Variants in LRP1B observed in about 807,000 individuals in gnomAD.
The protein encoded by LRP1B is low-density lipoprotein receptor-related protein 1B.
LRP1B carries 217 observed loss-of-function variants against 556.6 expected under a neutral mutation model. The observed-to-expected ratio is 0.39, with a 90% confidence interval of 0.35 to 0.44. LRP1B has a LOEUF of 0.44. Among genes scored for constraint, LRP1B ranks in the 20% least tolerant of loss-of-function variants. The pLI is 1.00. For synonymous variants in LRP1B, 2,047 were observed against 1,865.8 expected (o/e 1.10, Z -2.50); for missense variants, 5,053 against 5,620.8 (o/e 0.90, Z 3.23).
chr2:141,834,002 A>C (rs902396322), intron 1 of LRP1B, among the ~76,000 whole-genome samples: 6 of 150,844 alleles, frequency 4.0e-5, no homozygotes, highest in African/African-American at 7.4e-5. Context: ...GAAAGAAGAA[A>C]CAGTATACAC....
rs184843213 is a variant in LRP1B at position 141,575,397 on chromosome 2, C to T, written c.206-94864G>A. 1.8e-4 allele frequency among the ~76,000 whole-genome samples: 28 copies of T among 152,224 alleles called. No individual in the cohort carries two copies. The East Asian group carries it at 4.1e-3, about 22-fold the overall frequency. On this transcript the variant is annotated intron_variant, in intron 2 of 90. Coordinates refer to ENST00000389484, the MANE Select transcript of LRP1B (RefSeq NM_018557.3). The stretch of plus-strand genomic sequence containing the variant: ...ATTTAGTGAATGATGCTGGGAAAAC[C>T]GGCAAGCCATATGCAGAAAACTGCA...
intron 81 of LRP1B, among the ~76,000 whole-genome samples, chr2:140,323,326 A>G (rs1307201291): frequency 1.3e-5 from 2 of 152,028 alleles, no homozygotes; most frequent in South Asian, 2.1e-4. Context: ...ACTAACAATA[A>G]GTCATATACA....
At chr2:141,889,972 C>T (rs1381839215) in intron 1 of LRP1B, among the ~76,000 whole-genome samples, 2 of 139,718 alleles carry the variant, frequency 1.4e-5, no homozygotes. Flanking sequence ...CTTTCCTTCC[C>T]CCTCACCCAC....
intron 43 of LRP1B, among the ~76,000 whole-genome samples, chr2:140,545,684 A>C (rs1021703479): frequency 5.3e-5 from 8 of 152,060 alleles, no homozygotes; most frequent in African/African-American, 1.9e-4. Context: ...TGGTTACTGT[A>C]GCCCTGTAGT....
At chr2:140,298,021 AT>A in intron 83 of LRP1B, 52 bp from the exon 84 acceptor site, 1 of 1,497,066 alleles carries the variant, frequency 6.7e-7, no homozygotes, top group Non-Finnish European at 9.1e-7. Context: ...AAAATAGTTT[AT>A]TTTCAAGGAA....
chr2:141,910,387 CTA>C (rs1362732272), intron 1 of LRP1B, among the ~76,000 whole-genome samples: 2 of 152,030 alleles, frequency 1.3e-5, no homozygotes, highest in Non-Finnish European at 2.9e-5. Flanking sequence ...ATGGGTGAGA[CTA>C]TGTCTTTTAC....
At chr2:140,338,302 G>T (rs1201666041) in intron 77 of LRP1B, among the ~76,000 whole-genome samples, 1 of 151,708 alleles carries the variant, frequency 6.6e-6, no homozygotes, top group African/African-American at 2.4e-5. Flanking sequence ...GCAGAGGGTG[G>T]AGATGTTACC....
At chr2:140,956,921 G>A in intron 18 of LRP1B, among the ~76,000 whole-genome samples, 1 of 151,692 alleles carries the variant, frequency 6.6e-6, no homozygotes, top group Non-Finnish European at 1.5e-5. Flanking sequence ...ATATTTAACT[G>A]AGAATTTTAT....
chr2:142,034,765 T>C (rs2105203603), intron 1 of LRP1B, among the ~76,000 whole-genome samples: 1 of 151,906 alleles, frequency 6.6e-6, no homozygotes, highest in Non-Finnish European at 1.5e-5. Flanking sequence ...CATTAATCAT[T>C]AATATGCATA....
intron 27 of LRP1B, among the ~76,000 whole-genome samples, chr2:140,854,979 C>T (rs977696074): frequency 6.6e-6 from 1 of 152,116 alleles, no homozygotes; most frequent in Admixed American, 6.5e-5. Flanking sequence ...AATATAAATA[C>T]AGCTGGGCAG....
In LRP1B at chr2:142,130,209, G is replaced by T. The variant is rs573344210; in HGVS notation, c.82+439C>A. On this transcript the variant is annotated intron_variant, in intron 1 of 90. Transcript: ENST00000389484. ...CGCTCCACGGACCTCGAATGCAGCA[G>T]GTAAGGAAGTTAACCTGGGAGCTAA... Among the ~76,000 whole-genome samples the T allele has an allele frequency of 1.8e-4, 27 of 152,322 alleles. No individual in the cohort carries two copies. In the South Asian group the frequency reaches 5.6e-3, roughly 32 times the overall value.
intron 29 of LRP1B, among the ~76,000 whole-genome samples, chr2:140,845,680 C>T (rs953368428): frequency 6.6e-6 from 1 of 151,828 alleles, no homozygotes; most frequent in African/African-American, 2.4e-5. Flanking sequence ...ACAATGATTC[C>T]TTTTAAAAGA....
At chr2:141,876,162 A>G (rs1382149781) in intron 1 of LRP1B, among the ~76,000 whole-genome samples, 2 of 152,016 alleles carry the variant, frequency 1.3e-5, no homozygotes, top group Non-Finnish European at 2.9e-5. Flanking sequence ...TGAAAGACCA[A>G]TTATTTGGAC....
At chr2:142,103,051 A>G (rs988954630) in intron 1 of LRP1B, among the ~76,000 whole-genome samples, 18 of 151,994 alleles carry the variant, frequency 1.2e-4, no homozygotes, top group African/African-American at 4.3e-4. Flanking sequence ...GGGTGAGCAG[A>G]ATTTTCCTGC....
chr2:140,762,831 T>C (rs1048838677), intron 35 of LRP1B, among the ~76,000 whole-genome samples: 1 of 152,184 alleles, frequency 6.6e-6, no homozygotes. Flanking sequence ...CAGCTTTTTT[T>C]AAATAAATGC....
At chr2:141,900,334 G>A (rs1486519827) in intron 1 of LRP1B, among the ~76,000 whole-genome samples, 1 of 152,032 alleles carries the variant, frequency 6.6e-6, no homozygotes, top group African/African-American at 2.4e-5. Flanking sequence ...TTCTAAGCAT[G>A]GATATGACAC....
intron 3 of LRP1B, among the ~76,000 whole-genome samples, chr2:141,469,812 T>C (rs191873858): frequency 6.6e-6 from 1 of 152,312 alleles, no homozygotes; most frequent in Non-Finnish European, 1.5e-5. Context: ...TGTTTCACTT[T>C]CCAGGGTTTG....
intron 41 of LRP1B, among the ~76,000 whole-genome samples, chr2:140,689,153 T>C (rs958631648): frequency 3.3e-5 from 5 of 152,224 alleles, no homozygotes; most frequent in African/African-American, 1.2e-4. Context: ...ATATTCTATA[T>C]ATGAGTCCCT....
chr2:140,852,542 T>C (rs1199804868), intron 27 of LRP1B, among the ~76,000 whole-genome samples: 1 of 152,230 alleles, frequency 6.6e-6, no homozygotes, highest in African/African-American at 2.4e-5. Context: ...AGGAAACTAC[T>C]GGTACATATA....
Sources: allele counts gnomAD v4.1 joint callset (sites outside exome capture counted in the v4.1 genomes callset), GRCh38; gene constraint gnomAD v4.1.1; transcripts MANE v1.5; gene names NCBI Gene and HGNC (gene_info 2026-07-23, HGNC 2026-07-21).